Variants in CNTNAP5 observed in about 807,000 individuals in gnomAD.
CNTNAP5 encodes the protein contactin-associated protein-like 5.
A neutral mutation model predicts 150.2 loss-of-function variants in CNTNAP5; 72 were observed. The observed-to-expected ratio is 0.48, with a 90% confidence interval of 0.40 to 0.58. The LOEUF (loss-of-function observed/expected upper bound fraction) is 0.58, where lower values mean the gene tolerates loss of function less well. Ranked by LOEUF, CNTNAP5 falls within the 20% of genes least tolerant of loss-of-function variation. The probability of loss-of-function intolerance (pLI) is 0.00; values close to 1 mark genes in which losing one functional copy is unlikely to be tolerated. For synonymous variants in CNTNAP5, 672 were observed against 619.8 expected (o/e 1.08, Z -1.25); for missense variants, 1,636 against 1,626.2 (o/e 1.01, Z -0.10).
intron 4 of CNTNAP5, among the ~76,000 whole-genome samples, chr2:124,419,992 T>C (rs200836982): frequency 0.12 from 1,710 of 14,218 alleles, 3 homozygotes; most frequent in Middle Eastern, 0.28. Flanking sequence ...TTCTTTCTTT[T>C]TTTTTTTTTT....
intron 11 of CNTNAP5, among the ~76,000 whole-genome samples, chr2:124,570,094 C>T (rs186225149): frequency 2.0e-5 from 3 of 152,206 alleles, no homozygotes; most frequent in Admixed American, 6.5e-5. Context: ...TCCATAAGAA[C>T]GGGATGATAT....
intron 3 of CNTNAP5, among the ~76,000 whole-genome samples, chr2:124,263,130 A>AGT: frequency 6.6e-6 from 1 of 152,262 alleles, no homozygotes. Context: ...GTGCCTTTAT[A>AGT]ACAGCATGAT....
At chr2:124,208,946 C>G (rs1320879447) in intron 1 of CNTNAP5, among the ~76,000 whole-genome samples, 1 of 152,128 alleles carries the variant, frequency 6.6e-6, no homozygotes, top group Non-Finnish European at 1.5e-5. Context: ...TGACAACCCT[C>G]ATTTGTCATG....
At chr2:124,721,413 C>T (rs1461486109) in intron 13 of CNTNAP5, among the ~76,000 whole-genome samples, 2 of 151,656 alleles carry the variant, frequency 1.3e-5, no homozygotes, top group African/African-American at 2.4e-5. Flanking sequence ...ACCCGGACGG[C>T]GGAGGTTGCA....
chr2:124,607,781 C>G (rs2104981790), intron 11 of CNTNAP5, among the ~76,000 whole-genome samples: 1 of 152,330 alleles, frequency 6.6e-6, no homozygotes, highest in Middle Eastern at 3.4e-3. Context: ...TTCCACATAG[C>G]TGTCATCCCG....
intron 13 of CNTNAP5, among the ~76,000 whole-genome samples, chr2:124,731,650 G>A (rs1680274043): frequency 6.6e-6 from 1 of 151,886 alleles, no homozygotes; most frequent in Non-Finnish European, 1.5e-5. Context: ...AAAGAAAAAA[G>A]AAATAAGAAA....
chr2:124,277,795 C>T (rs78820214), intron 3 of CNTNAP5, among the ~76,000 whole-genome samples: 1 of 152,116 alleles, frequency 6.6e-6, no homozygotes, highest in Non-Finnish European at 1.5e-5. Flanking sequence ...GGGCAAACAT[C>T]AAGAAACTAG....
At chr2:124,605,979 T>C (rs1697098749) in intron 11 of CNTNAP5, among the ~76,000 whole-genome samples, 1 of 152,130 alleles carries the variant, frequency 6.6e-6, no homozygotes, top group Non-Finnish European at 1.5e-5. Flanking sequence ...CACATTTTTC[T>C]CTCTCTCCAT....
At chr2:124,617,433 G>A (rs1677515241) in intron 12 of CNTNAP5, among the ~76,000 whole-genome samples, 1 of 151,954 alleles carries the variant, frequency 6.6e-6, no homozygotes, top group African/African-American at 2.4e-5. Context: ...TCAATCCTTG[G>A]CACTCCTTCA....
intron 11 of CNTNAP5, among the ~76,000 whole-genome samples, chr2:124,608,926 A>T (rs1013775939): frequency 1.3e-5 from 2 of 151,932 alleles, no homozygotes; most frequent in Non-Finnish European, 2.9e-5. Context: ...CCTGGGCAAC[A>T]GAGCAGACTC....
At chr2:124,647,614 A>G in intron 12 of CNTNAP5, 144 bp from the exon 13 acceptor site, 1 of 663,370 alleles carries the variant, frequency 1.5e-6, no homozygotes, top group Non-Finnish European at 2.4e-6. Context: ...TCCATGGGGA[A>G]ACACAATTTC....
chr2:124,823,132 T>C (rs1228989698), intron 19 of CNTNAP5, among the ~76,000 whole-genome samples: 1 of 152,218 alleles, frequency 6.6e-6, no homozygotes, highest in Non-Finnish European at 1.5e-5. Flanking sequence ...ACAGGTATAC[T>C]TTGTAGCTGT....
At chr2:124,449,777 A>C (rs1692920192) in intron 6 of CNTNAP5, among the ~76,000 whole-genome samples, 1 of 152,166 alleles carries the variant, frequency 6.6e-6, no homozygotes, top group Admixed American at 6.5e-5. Context: ...TGATTATAAA[A>C]GAAGATAGAT....
intron 1 of CNTNAP5, among the ~76,000 whole-genome samples, chr2:124,147,884 C>T (rs892021226): frequency 6.6e-6 from 1 of 152,158 alleles, no homozygotes; most frequent in Admixed American, 6.5e-5. Flanking sequence ...GTGACTTTTC[C>T]AAAGGGAGAG....
intron 3 of CNTNAP5, among the ~76,000 whole-genome samples, chr2:124,369,731 A>T (rs1400728183): frequency 2.0e-5 from 3 of 152,172 alleles, no homozygotes; most frequent in Non-Finnish European, 4.4e-5. Context: ...AAAAAATGGT[A>T]TGTATGCATA....
chr2:124,357,680 A>G (rs1690055296), intron 3 of CNTNAP5, among the ~76,000 whole-genome samples: 1 of 141,524 alleles, frequency 7.1e-6, no homozygotes, highest in Non-Finnish European at 1.5e-5. Context: ...CTGTTTTGGT[A>G]CCAGTACCAT....
chr2:124,597,774 G>A (rs1363832004), intron 11 of CNTNAP5, among the ~76,000 whole-genome samples: 1 of 151,824 alleles, frequency 6.6e-6, no homozygotes, highest in Non-Finnish European at 1.5e-5. Flanking sequence ...ATCACTTTCA[G>A]GCACACCAAT....
intron 3 of CNTNAP5, among the ~76,000 whole-genome samples, chr2:124,358,741 T>A (rs1357868318): frequency 6.6e-6 from 1 of 151,908 alleles, no homozygotes; most frequent in Non-Finnish European, 1.5e-5. Flanking sequence ...TCAATGTTCA[T>A]CAAGTATATT....
At chr2:124,407,989 G>C (rs534795728) in intron 3 of CNTNAP5, among the ~76,000 whole-genome samples, 52 of 152,306 alleles carry the variant, frequency 3.4e-4, no homozygotes, top group Non-Finnish European at 6.6e-4. Context: ...ATCTCACTAG[G>C]GAGTGCCAGA....
Sources: allele counts gnomAD v4.1 joint callset (sites outside exome capture counted in the v4.1 genomes callset), GRCh38; gene constraint gnomAD v4.1.1; transcripts MANE v1.5; gene names NCBI Gene and HGNC (gene_info 2026-07-23, HGNC 2026-07-21).